The following LONRF3 variants were observed in gnomAD, a reference collection of about 807,000 sequenced individuals.
LONRF3 encodes LON peptidase N-terminal domain and ring finger 3.
LONRF3 carries 19 observed loss-of-function variants against 51.7 expected under a neutral mutation model. The observed-to-expected ratio is 0.37, with a 90% CI of 0.26 to 0.54. The LOEUF (loss-of-function observed/expected upper bound fraction) is 0.54, where lower values mean the gene tolerates loss of function less well. Ranked by LOEUF, LONRF3 falls within the 20% of genes least tolerant of loss-of-function variation. LONRF3 has a pLI of 0.86. For synonymous variants in LONRF3, 265 were observed against 257.8 expected, an observed-to-expected ratio of 1.03 and a Z score of -0.27; for missense variants, 521 against 623.9, an observed-to-expected ratio of 0.84 and a Z score of 1.76.
intron 2 of LONRF3, among the ~76,000 whole-genome samples, chrX:118,979,181 T>G (rs1341373657): frequency 2.7e-5 from 3 of 109,560 alleles, no homozygotes; most frequent in Admixed American, 1.9e-4. Context: ...TTTGTATTTT[T>G]TTTTGTAGAG....
At chrX:119,005,728 G>T (rs369351196) in intron 5 of LONRF3, among the ~76,000 whole-genome samples, 9 of 111,497 alleles carry the variant, frequency 8.1e-5, no homozygotes, top group African/African-American at 2.9e-4. Flanking sequence ...GTGTGTGCGT[G>T]TGTGTGTGTT....
intron 5 of LONRF3, among the ~76,000 whole-genome samples, chrX:118,998,555 A>G (rs760451713): frequency 8.9e-6 from 1 of 111,793 alleles, no homozygotes; most frequent in East Asian, 2.8e-4. Flanking sequence ...AATCACCACT[A>G]AAGAACCTAC....
At position 119,013,162 on chromosome X, in the gene LONRF3, C is replaced by T; in HGVS notation, c.1935C>T (p.Gly645=). 3 of 1,212,107 alleles carry T rather than the reference C, an allele frequency of 2.5e-6. No individual in the cohort carries two copies. The highest frequency in any genetic ancestry group is 3.3e-6 in the Non-Finnish European group (3 of 895,569). Residue 645 remains glycine (G), a synonymous_variant, in exon 9 of 11, where the codon GGC becomes GGT. Transcript: ENST00000371628. ...TGCTCCATCAGAGCCAGCGGGATGG[C>T]TACAACACAGCCGACATTGAATACA... is the stretch of plus-strand genomic sequence containing the variant. ...FRVLHQSQRD[G]YNTADIEYIE...
intron 5 of LONRF3, among the ~76,000 whole-genome samples, chrX:118,991,220 A>T (rs1923404196): frequency 1.8e-5 from 2 of 111,810 alleles, no homozygotes; most frequent in Admixed American, 9.5e-5. Flanking sequence ...GAGACAGGAC[A>T]TGTACTCTCC....
At chrX:118,992,610 A>G (rs1340303811) in intron 5 of LONRF3, among the ~76,000 whole-genome samples, 1 of 111,016 alleles carries the variant, frequency 9.0e-6, no homozygotes, top group African/African-American at 3.3e-5. Flanking sequence ...GACAAAGGGC[A>G]TATAATCTTG....
At chrX:118,983,938 A>G (rs1922761979) in intron 3 of LONRF3, among the ~76,000 whole-genome samples, 1 of 112,214 alleles carries the variant, frequency 8.9e-6, no homozygotes, top group Admixed American at 9.4e-5. Context: ...TGAGTATGTG[A>G]AAAAGGTGTG....
chrX:119,005,251 G>A (rs1924628088), intron 5 of LONRF3, among the ~76,000 whole-genome samples: 1 of 111,406 alleles, frequency 9.0e-6, no homozygotes, highest in African/African-American at 3.3e-5. Context: ...ACTCCTCAAC[G>A]GTCATCTTCA....
In LONRF3 at chrX:118,989,479, G is replaced by A. The variant is rs932709274; in HGVS notation, c.1131G>A (p.Met377Ile). Residue 377 changes from methionine to isoleucine, a missense_variant, in exon 4 of 11, where the codon ATG becomes ATA. Coordinates refer to ENST00000371628, the MANE Select transcript of LONRF3 (RefSeq NM_001031855.3). Reference protein sequence around the residue: ...AAARGDGSSLMDPAKVKGDGQ... With the variant: ...AAARGDGSSLIDPAKVKGDGQ... ...CCAGGGGAGATGGCAGCAGTCTGATGGACCCAGCTAAAGTGAAGGGGGATG... is the reference window on the plus strand; with the variant it reads ...CCAGGGGAGATGGCAGCAGTCTGATAGACCCAGCTAAAGTGAAGGGGGATG... 47 of 1,209,306 alleles carry A rather than the reference G, an allele frequency of 3.9e-5. No homozygotes were observed. Among genetic ancestry groups the A allele is most frequent in the Non-Finnish European group, 4.8e-5 (43 of 895,021 alleles).
chrX:118,976,136 C>G, intron 1 of LONRF3, among the ~76,000 whole-genome samples: 1 of 113,008 alleles, frequency 8.8e-6, no homozygotes, highest in East Asian at 2.8e-4. Context: ...GTCCGCCGCT[C>G]GCGCCGCCGG....
intron 1 of LONRF3, 34 bp downstream of exon 1, chrX:118,975,631 G>C (rs747194329): frequency 3.7e-6 from 4 of 1,073,225 alleles, no homozygotes; most frequent in Non-Finnish European, 2.5e-6. Context: ...CGGGGCTGGG[G>C]CTCGGTGGCT....
chrX:119,014,335 G>A lies in LONRF3; in HGVS notation c.2103G>A (p.Pro701=), dbSNP rs146143677. 253 of 1,206,924 alleles carry A rather than the reference G, an allele frequency of 2.1e-4. No homozygotes were observed. Among genetic ancestry groups the A allele is most frequent in the Non-Finnish European group, 2.7e-4 (240 of 894,128 alleles). The change falls in exon 10 of 11, where the codon CCG becomes CCA. Residue 701 remains proline, a synonymous_variant. Coordinates refer to ENST00000371628, the MANE Select transcript of LONRF3 (RefSeq NM_001031855.3). ...NRILNHFGPM[P]EKDADPQMNP... ...TACTCAATCACTTTGGTCCCATGCC[G>A]GAGAAAGACGCCGATCCTCAGGTAT...
At chrX:118,992,061 G>T (rs1923468459) in intron 5 of LONRF3, among the ~76,000 whole-genome samples, 2 of 112,193 alleles carry the variant, frequency 1.8e-5, no homozygotes, top group Admixed American at 1.9e-4. Context: ...AGCATTAAAA[G>T]GAGGCTGAGA....
At position 118,990,491 on chromosome X, in the gene LONRF3, A is replaced by G. The variant is rs2147279795; in HGVS notation, c.1346A>G (p.Asp449Gly). Residue 449 changes from aspartate to glycine, a missense_variant, in exon 5 of 11, where the codon GAC becomes GGC. This residue lies in a region of LONRF3 where 376 missense variants were observed against 376.7 expected (regional missense o/e 1.00). Transcript: ENST00000371628. ...SKQDPPTDQGDKPALSLPLAS... is the reference protein window; with the variant it reads ...SKQDPPTDQGGKPALSLPLAS... ...GCAGATCCTCCCACTGATCAGGGGG[A>G]CAAACCTGCTCTCAGTTTACCACTT... 8.3e-7 allele frequency: 1 copy of G among 1,210,372 alleles called. No individual in the cohort carries two copies. Among genetic ancestry groups the G allele is most frequent in the East Asian group, 3.0e-5 (1 of 33,834 alleles).
intron 5 of LONRF3, among the ~76,000 whole-genome samples, chrX:118,994,750 T>C (rs959480695): frequency 8.9e-6 from 1 of 111,755 alleles, no homozygotes; most frequent in African/African-American, 3.3e-5. Flanking sequence ...AGAGGGACAG[T>C]ATATAATGGT....
At chrX:119,013,253 G>C in intron 9 of LONRF3, 52 bp downstream of exon 9, 1 of 1,104,138 alleles carries the variant, frequency 9.1e-7, no homozygotes, top group Non-Finnish European at 1.2e-6. Flanking sequence ...CTTGTAACTT[G>C]ATACACAAAG....
At chrX:119,003,796 G>C (rs1193561776) in intron 5 of LONRF3, among the ~76,000 whole-genome samples, 3 of 111,975 alleles carry the variant, frequency 2.7e-5, no homozygotes, top group African/African-American at 9.7e-5. Flanking sequence ...TTTTTTATTG[G>C]GACTTAGTTG....
At chrX:119,012,484 C>A (rs2147308784) in intron 8 of LONRF3, among the ~76,000 whole-genome samples, 1 of 110,909 alleles carries the variant, frequency 9.0e-6, no homozygotes, top group African/African-American at 3.3e-5. Context: ...TATGAACAAT[C>A]AAAATTTATT....
At chrX:118,990,793 C>T (rs558676248) in intron 5 of LONRF3, among the ~76,000 whole-genome samples, 1 of 111,935 alleles carries the variant, frequency 8.9e-6, no homozygotes, top group East Asian at 2.8e-4. Flanking sequence ...GGGAAGGGAA[C>T]AGTCTATTCA....
intron 1 of LONRF3, among the ~76,000 whole-genome samples, chrX:118,977,211 G>C (rs1188570093): frequency 9.0e-6 from 1 of 111,505 alleles, no homozygotes; most frequent in Non-Finnish European, 1.9e-5. Context: ...GAGGAAGCTA[G>C]ATCCCAGATC....
Sources: allele counts gnomAD v4.1 joint callset (sites outside exome capture counted in the v4.1 genomes callset), GRCh38; gene constraint gnomAD v4.1.1; regional missense constraint gnomAD v4.1.1; transcripts MANE v1.5; gene names NCBI Gene and HGNC (gene_info 2026-07-23, HGNC 2026-07-21).